Variants in PRUNE2 observed in about 807,000 individuals in gnomAD.
The protein encoded by PRUNE2 is protein prune homolog 2.
Under a neutral mutation model 252.0 loss-of-function variants are expected in PRUNE2, and 164 were observed. The observed-to-expected ratio is 0.65, with a 90% CI of 0.57 to 0.74. The LOEUF (loss-of-function observed/expected upper bound fraction) is 0.74. Among genes scored for constraint, PRUNE2 ranks in the 30% least tolerant of loss-of-function variants. The pLI, the probability that PRUNE2 is intolerant of heterozygous loss-of-function variation, is 0.00. For missense variants in PRUNE2, 3,495 were observed against 3,711.0 expected (o/e 0.94, Z 1.51); for synonymous variants, 1,292 against 1,350.2 (o/e 0.96, Z 0.94).
Position 76,705,453 on chromosome 9 carries a change from G to A in PRUNE2, c.6821C>T (p.Ser2274Phe). ...RALFDGDPHLSTENPALVPDA... is the reference protein window; with the variant it reads ...RALFDGDPHLFTENPALVPDA... ...AGGAACCAAGGCAGGATTCTCTGTGGATAAATGTGGATCACCATCAAACAA... is the reference window on the plus strand; with the variant it reads ...AGGAACCAAGGCAGGATTCTCTGTGAATAAATGTGGATCACCATCAAACAA... The change falls in exon 8 of 19, where the codon TCC becomes TTC. Residue 2274 changes from serine (S) to phenylalanine (F), a missense_variant. Coordinates refer to ENST00000376718, the MANE Select transcript of PRUNE2 (RefSeq NM_015225.3). 1.9e-6 allele frequency: 3 copies of A among 1,613,908 alleles called. No homozygotes were observed. Among genetic ancestry groups the A allele is most frequent in the Non-Finnish European group, 2.5e-6 (3 of 1,179,820 alleles).
At chr9:76,763,453 C>T (rs780834183) in intron 6 of PRUNE2, among the ~76,000 whole-genome samples, 21 of 152,298 alleles carry the variant, frequency 1.4e-4, no homozygotes, top group Non-Finnish European at 2.4e-4. Context: ...CTGAATTAGA[C>T]GCAACTACTC....
chr9:76,845,748 T>C (rs73462342), intron 4 of PRUNE2, among the ~76,000 whole-genome samples: 2,216 of 152,358 alleles, frequency 0.015, 52 homozygotes, highest in African/African-American at 0.051. Context: ...GAAAATTCTC[T>C]GTCTACCGTG....
intron 1 of PRUNE2, among the ~76,000 whole-genome samples, chr9:76,857,927 G>T (rs1283322143): frequency 6.6e-6 from 1 of 152,152 alleles, no homozygotes; most frequent in Non-Finnish European, 1.5e-5. Context: ...TGACCCCAAA[G>T]ATCGTCTGCA....
intron 1 of PRUNE2, among the ~76,000 whole-genome samples, chr9:76,897,815 T>C (rs969942637): frequency 6.6e-6 from 1 of 152,208 alleles, no homozygotes; most frequent in Non-Finnish European, 1.5e-5. Flanking sequence ...AATCAAATTT[T>C]AAAAGTATCT....
intron 6 of PRUNE2, among the ~76,000 whole-genome samples, chr9:76,782,509 T>A (rs2054524658): frequency 6.6e-6 from 1 of 152,242 alleles, no homozygotes. Context: ...GCATCTTCTT[T>A]ACAGAGTTCT....
At chr9:76,655,910 C>A (rs1417818891) in intron 9 of PRUNE2, among the ~76,000 whole-genome samples, 1 of 152,178 alleles carries the variant, frequency 6.6e-6, no homozygotes, top group Non-Finnish European at 1.5e-5. Flanking sequence ...TTCCCATGGA[C>A]AGAGGGAGAG....
intron 6 of PRUNE2, among the ~76,000 whole-genome samples, chr9:76,745,022 T>G (rs1447692519): frequency 6.6e-6 from 1 of 152,160 alleles, no homozygotes; most frequent in Non-Finnish European, 1.5e-5. Flanking sequence ...TTTATTGCTT[T>G]AACAAGCCCT....
At chr9:76,769,844 G>A (rs143311882) in intron 6 of PRUNE2, among the ~76,000 whole-genome samples, 7 of 152,182 alleles carry the variant, frequency 4.6e-5, no homozygotes, top group African/African-American at 1.4e-4. Context: ...TCAAAAAAGC[G>A]GTAGCAATTA....
chr9:76,706,505 G>C lies in PRUNE2; in HGVS notation c.5769C>G (p.Ser1923Arg). 6.2e-7 allele frequency: 1 copy of C among 1,613,958 alleles called. No homozygotes were observed. The highest frequency in any genetic ancestry group is 1.7e-5 in the Admixed American group (1 of 60,024). The stretch of plus-strand genomic sequence containing the variant: ...TAATTTGGTCTAATTTTACAAGCTG[G>C]CTGAACTTGTCAGCATCTGGGTCTG... Reference protein sequence around the residue: ...RQPDPDADKFSQLVKLDQIKE... With the variant: ...RQPDPDADKFRQLVKLDQIKE... Residue 1923 changes from serine to arginine, a missense_variant, in exon 8 of 19, where the codon AGC (serine) becomes AGG (arginine). Transcript: ENST00000376718.
rs749050637 is a variant in PRUNE2 at position 76,705,257 on chromosome 9, C to A, written c.7017G>T (p.Lys2339Asn). 1.2e-6 allele frequency: 2 copies of A among 1,614,030 alleles called. No homozygotes were observed. Among genetic ancestry groups the A allele is most frequent in the Admixed American group, 3.3e-5 (2 of 60,030 alleles). Residue 2339 changes from lysine (K) to asparagine (N), a missense_variant, in exon 8 of 19, where the codon AAG (lysine) becomes AAT (asparagine). Lys to Asn is a moderately conservative substitution (Grantham distance 94). Coordinates refer to ENST00000376718, the MANE Select transcript of PRUNE2 (RefSeq NM_015225.3). ...AGGCTTCAGATGAGCAGATATCTTG[C>A]TTCCCTAGGTCCCCATCAACTGGCG... ...PETPVDGDLG[K>N]QDICSSEASW...
At chr9:76,867,080 G>C (rs1371509540) in intron 1 of PRUNE2, among the ~76,000 whole-genome samples, 1 of 152,100 alleles carries the variant, frequency 6.6e-6, no homozygotes, top group Non-Finnish European at 1.5e-5. Context: ...CTGAGTTCCT[G>C]GGCAGCTATA....
intron 1 of PRUNE2, among the ~76,000 whole-genome samples, chr9:76,887,144 T>C (rs543634729): frequency 3.3e-5 from 5 of 152,306 alleles, no homozygotes; most frequent in Admixed American, 1.3e-4. Flanking sequence ...ATTCCATAAA[T>C]GCTTCCCTGG....
chr9:76,847,125 G>C (rs1418407421), intron 3 of PRUNE2, among the ~76,000 whole-genome samples: 1 of 152,070 alleles, frequency 6.6e-6, no homozygotes, highest in African/African-American at 2.4e-5. Context: ...AGGAGTTTAC[G>C]ACCAGCCTGG....
At position 76,854,232 on chromosome 9, in the gene PRUNE2, T is replaced by C. The variant is rs776299747; in HGVS notation, c.37-24A>G. On this transcript the variant is annotated intron_variant, in intron 1 of 18. Transcript: ENST00000376718. ...TTCTGAAACAAATTCAAAGGAAACATCACAATTTAACAGGTGACAGATTAA... is the reference window on the plus strand; with the variant it reads ...TTCTGAAACAAATTCAAAGGAAACACCACAATTTAACAGGTGACAGATTAA... 4.4e-6 allele frequency: 6 copies of C among 1,354,110 alleles called. No individual in the cohort carries two copies. In the East Asian group the frequency reaches 9.3e-5, roughly 21 times the overall value. 83.9% of individuals were successfully genotyped at this position (1,354,110 alleles called of 1,614,324 possible). A position where few individuals can be genotyped will look rare whatever the true frequency, so the allele number is the denominator to read the frequency against.
chr9:76,897,976 T>G (rs1449675334), intron 1 of PRUNE2, among the ~76,000 whole-genome samples: 2 of 152,166 alleles, frequency 1.3e-5, no homozygotes, highest in African/African-American at 2.4e-5. Flanking sequence ...GGAGATCACG[T>G]CCTCGTCTCA....
At chr9:76,836,094 C>G (rs1440943833) in intron 4 of PRUNE2, among the ~76,000 whole-genome samples, 3 of 152,034 alleles carry the variant, frequency 2.0e-5, no homozygotes, top group Non-Finnish European at 4.4e-5. Context: ...CCAGCTGGTT[C>G]CCAGAAACAC....
chr9:76,707,367 G>A lies in PRUNE2; in HGVS notation c.4907C>T (p.Ser1636Phe). 6.2e-7 allele frequency: 1 copy of A among 1,613,960 alleles called. No homozygotes were observed. Among genetic ancestry groups the A allele is most frequent in the African/African-American group, 1.3e-5 (1 of 75,042 alleles). The change falls in exon 8 of 19, where the codon TCT becomes TTT. Residue 1636 changes from serine (S) to phenylalanine (F), a missense_variant. Coordinates refer to ENST00000376718, the MANE Select transcript of PRUNE2 (RefSeq NM_015225.3). ...TTTGCCTGTTTCAGGACTGGATAAAGAGGAAAAGGAATCACCATCAACTGA... is the reference window on the plus strand; with the variant it reads ...TTTGCCTGTTTCAGGACTGGATAAAAAGGAAAAGGAATCACCATCAACTGA... ...NDSVDGDSFSSLSSPETGKYS... is the reference protein window; with the variant it reads ...NDSVDGDSFSFLSSPETGKYS...
intron 17 of PRUNE2, 141 bp from the exon 18 acceptor site, chr9:76,619,528 T>A: frequency 1.5e-6 from 1 of 645,764 alleles, no homozygotes; most frequent in Non-Finnish European, 2.8e-6. Context: ...GAACAGATGA[T>A]AAGATTAAGC....
At chr9:76,660,383 G>A (rs1180309269) in intron 9 of PRUNE2, among the ~76,000 whole-genome samples, 3 of 152,190 alleles carry the variant, frequency 2.0e-5, no homozygotes, top group East Asian at 1.9e-4. Flanking sequence ...GCTGTGGGCC[G>A]CTCATGTCTC....
Sources: gnomAD v4.1 joint callset for allele counts (sites outside exome capture counted in the v4.1 genomes callset) on GRCh38, gnomAD v4.1.1 for gene constraint, MANE v1.5 for transcripts, NCBI Gene and HGNC (gene_info 2026-07-23, HGNC 2026-07-21) for gene names.